ARVCF: variants seen among roughly 807,000 people sequenced by gnomAD.
The protein encoded by ARVCF is ARVCF delta catenin family member, also known as splicing regulator ARVCF.
ARVCF carries 66 observed loss-of-function variants against 90.9 expected under a neutral mutation model. The observed-to-expected ratio is 0.73, with a 90% CI of 0.60 to 0.89. The LOEUF is 0.89. Among genes scored for constraint, ARVCF ranks in the 40% least tolerant of loss-of-function variants. The pLI, the probability that ARVCF is intolerant of heterozygous loss-of-function variation, is 0.00. For synonymous variants in ARVCF, 653 were observed against 603.4 expected, an observed-to-expected ratio of 1.08 and a Z score of -1.21; for missense variants, 1,469 against 1,382.3, an observed-to-expected ratio of 1.06 and a Z score of -1.00.
chr22:20,006,781 G>GC (rs954526323), intron 2 of ARVCF, among the ~76,000 whole-genome samples: 3 of 151,288 alleles, frequency 2.0e-5, no homozygotes, highest in African/African-American at 7.3e-5. Context: ...ACAGGCGCGT[G>GC]CCACCATGCC....
rs1251689424 is a variant in ARVCF at position 19,972,717 on chromosome 22, C to G, written c.2641+20G>C. 5 of 1,594,568 alleles carry G rather than the reference C, an allele frequency of 3.1e-6. No homozygotes were observed. Among genetic ancestry groups the G allele is most frequent in the Non-Finnish European group, 4.3e-6 (5 of 1,170,940 alleles). The stretch of plus-strand genomic sequence containing the variant: ...AGCTGGGGTCGCCACCCTCTAGGCT[C>G]CCTAAGCTCCACCACTCACCAAGGC... On this transcript the variant is annotated intron_variant, in intron 16 of 19. Transcript: ENST00000263207.
intron 18 of ARVCF, 136 bp downstream of exon 18, chr22:19,971,750 G>A (rs1317200149): frequency 7.9e-6 from 7 of 891,218 alleles, no homozygotes; most frequent in Non-Finnish European, 1.2e-5. Context: ...TGAAGGGGCT[G>A]CTTCCTGGGC....
intron 1 of ARVCF, among the ~76,000 whole-genome samples, chr22:20,012,745 G>A (rs1056686189): frequency 6.6e-6 from 1 of 152,274 alleles, no homozygotes; most frequent in South Asian, 2.1e-4. Context: ...TGATGCCCTA[G>A]TAAGCCCTGT....
At chr22:19,996,894 G>A (rs544941127) in intron 2 of ARVCF, among the ~76,000 whole-genome samples, 1 of 152,228 alleles carries the variant, frequency 6.6e-6, no homozygotes, top group Non-Finnish European at 1.5e-5. Flanking sequence ...ACGCCATCGG[G>A]GGTTGGGTAG....
intron 2 of ARVCF, among the ~76,000 whole-genome samples, chr22:20,004,502 G>GA (rs904699861): frequency 3.1e-4 from 45 of 146,160 alleles, no homozygotes; most frequent in East Asian, 6.0e-4. Flanking sequence ...AAAAAGAAAA[G>GA]AAAAAAAAAA....
intron 6 of ARVCF, chr22:19,979,327 C>T (rs72556512): frequency 2.2e-5 from 12 of 548,986 alleles, no homozygotes; most frequent in South Asian, 2.4e-5. Flanking sequence ...CCATTCCCTG[C>T]CATGTGGCAG....
chr22:19,987,036 C>G, intron 3 of ARVCF: 1 of 654,558 alleles, frequency 1.5e-6, no homozygotes, highest in South Asian at 1.6e-5. Flanking sequence ...GCCTCCGACC[C>G]CGGGCCAGGG....
intron 3 of ARVCF, chr22:19,986,725 C>G (rs1191021976): frequency 3.8e-6 from 1 of 264,070 alleles, no homozygotes; most frequent in Non-Finnish European, 7.1e-6. Context: ...TGGCTCTCCA[C>G]CCGTGTCCCC....
chr22:19,979,473 T>C, intron 6 of ARVCF: 1 of 568,694 alleles, frequency 1.8e-6, no homozygotes, highest in South Asian at 2.4e-5. Context: ...CCAGGAGAGT[T>C]TCTGTGGGGG....
chr22:19,982,404 G>A (rs1035223342), intron 3 of ARVCF, among the ~76,000 whole-genome samples: 3 of 152,098 alleles, frequency 2.0e-5, no homozygotes, highest in South Asian at 2.1e-4. Flanking sequence ...ACCCTGGGGG[G>A]TGAAGTCTTC....
At chr22:20,008,189 C>A (rs1462494725) in intron 2 of ARVCF, among the ~76,000 whole-genome samples, 6 of 152,204 alleles carry the variant, frequency 3.9e-5, no homozygotes, top group Admixed American at 1.3e-4. Flanking sequence ...CATCAAAACC[C>A]AAGAGAAGGC....
intron 3 of ARVCF, among the ~76,000 whole-genome samples, chr22:19,984,818 A>C (rs1317346607): frequency 6.6e-6 from 1 of 152,144 alleles, no homozygotes; most frequent in Non-Finnish European, 1.5e-5. Context: ...GGGGCCACCA[A>C]CTCTGCCAAT....
chr22:19,990,731 G>T lies in ARVCF; in HGVS notation c.64C>A (p.Arg22Ser). ...AGTGCCCGTGTCAGCCTCTCGAAGC[G>T]GGCCTCCTGCTCCTTCACCGAGGCC... The part of the protein sequence containing the change: ...ILASVKEQEA[R>S]FERLTRALEQ... The change falls in exon 3 of 20, where the codon CGC becomes AGC. Residue 22 changes from arginine (R) to serine (S), a missense_variant. Coordinates refer to ENST00000263207, the MANE Select transcript of ARVCF (RefSeq NM_001670.3). 1 of 1,592,862 alleles carries T rather than the reference G, an allele frequency of 6.3e-7. No homozygotes were observed. The highest frequency in any genetic ancestry group is 2.3e-5 in the East Asian group (1 of 43,808).
intron 1 of ARVCF, among the ~76,000 whole-genome samples, chr22:20,014,018 A>G (rs1031980850): frequency 1.3e-5 from 2 of 151,590 alleles, no homozygotes; most frequent in Non-Finnish European, 2.9e-5. Flanking sequence ...GATTACAGGC[A>G]TATGCCACCA....
At chr22:20,013,328 A>T (rs1437600955) in intron 1 of ARVCF, among the ~76,000 whole-genome samples, 2 of 152,338 alleles carry the variant, frequency 1.3e-5, no homozygotes, top group Admixed American at 1.3e-4. Context: ...TTTTGGGGCT[A>T]CGCAGGCACA....
Position 19,977,406 on chromosome 22 carries a change from C to T in ARVCF, c.1870+9G>A, listed in dbSNP as rs200753646. ...TGGTAGAGATGATACCCCAGTCCGCCCCACCCACCTTTGGCCTTCTTGCCT... is the reference window on the plus strand; with the variant it reads ...TGGTAGAGATGATACCCCAGTCCGCTCCACCCACCTTTGGCCTTCTTGCCT... On this transcript the variant is annotated intron_variant, in intron 9 of 19. Coordinates refer to ENST00000263207, the MANE Select transcript of ARVCF (RefSeq NM_001670.3). 15 of 1,507,898 alleles carry T rather than the reference C, an allele frequency of 9.9e-6. No homozygotes were observed. In the African/African-American group the frequency reaches 2.0e-4, roughly 20 times the overall value. 93.4% of individuals were successfully genotyped at this position (1,507,898 alleles called of 1,614,324 possible). A position where few individuals can be genotyped will look rare whatever the true frequency, so the allele number is the denominator to read the frequency against.
chr22:19,990,126 G>A (rs2146377192), intron 3 of ARVCF, among the ~76,000 whole-genome samples: 1 of 152,282 alleles, frequency 6.6e-6, no homozygotes, highest in South Asian at 2.1e-4. Context: ...GTAGGGGCCG[G>A]AGCCCAGTCT....
downstream of ARVCF, among the ~76,000 whole-genome samples, chr22:19,966,712 AG>A (rs1942417453): frequency 6.6e-6 from 1 of 151,962 alleles, no homozygotes; most frequent in Non-Finnish European, 1.5e-5. Context: ...AAGTGCTGGG[AG>A]TACAGGTGTG....
At chr22:20,000,855 C>T (rs1054359562) in intron 2 of ARVCF, among the ~76,000 whole-genome samples, 5 of 152,162 alleles carry the variant, frequency 3.3e-5, no homozygotes, top group East Asian at 1.9e-4. Flanking sequence ...AATCTGCTGG[C>T]GCCTCGATCT....
Sources: allele counts gnomAD v4.1 joint callset (sites outside exome capture counted in the v4.1 genomes callset), GRCh38; gene constraint gnomAD v4.1.1; transcripts MANE v1.5; gene names NCBI Gene and HGNC (gene_info 2026-07-23, HGNC 2026-07-21).